Variants in EFHB observed in about 807,000 individuals in gnomAD.
EFHB encodes the protein EF-hand domain family member B.
A neutral mutation model predicts 87.2 loss-of-function variants in EFHB; 91 were observed. The observed-to-expected ratio is 1.04, with a 90% CI of 0.88 to 1.24. The LOEUF is 1.24. EFHB is among the 50% of genes most tolerant of loss of function. The pLI, the probability that EFHB is intolerant of heterozygous loss-of-function variation, is 0.00. For synonymous variants in EFHB, 325 were observed against 333.6 expected, an observed-to-expected ratio of 0.97 and a Z score of 0.28; for missense variants, 1,084 against 998.8, an observed-to-expected ratio of 1.09 and a Z score of -1.15.
chr3:19,911,873 G>T (rs146601319), intron 5 of EFHB, among the ~76,000 whole-genome samples: 1 of 152,068 alleles, frequency 6.6e-6, no homozygotes, highest in African/African-American at 2.4e-5. Flanking sequence ...TACTTTGGGA[G>T]GCCAAGGTGC....
At chr3:19,933,161 A>G in intron 1 of EFHB, 69 bp downstream of exon 1, 1 of 1,464,090 alleles carries the variant, frequency 6.8e-7, no homozygotes, top group Non-Finnish European at 9.1e-7. Context: ...AAATTTTATC[A>G]CTTTATCATC....
intron 9 of EFHB, among the ~76,000 whole-genome samples, chr3:19,892,938 C>A (rs1694352366): frequency 6.7e-6 from 1 of 150,288 alleles, no homozygotes; most frequent in Admixed American, 6.6e-5. Flanking sequence ...ACCTTTTTCC[C>A]AATCATATTC....
intron 10 of EFHB, among the ~76,000 whole-genome samples, chr3:19,887,083 T>G (rs1052109285): frequency 6.6e-6 from 1 of 152,096 alleles, no homozygotes; most frequent in Non-Finnish European, 1.5e-5. Context: ...CTTCATTCCT[T>G]AGAAATATGA....
At chr3:19,896,880 G>T (rs544813359) in intron 8 of EFHB, 39 bp from the exon 9 acceptor site, 1 of 1,507,382 alleles carries the variant, frequency 6.6e-7, no homozygotes, top group African/African-American at 1.4e-5. Flanking sequence ...TAAATTTAAA[G>T]TCTTTCTATA....
chr3:19,881,077 T>C (rs2071664534), intron 12 of EFHB, among the ~76,000 whole-genome samples: 1 of 152,216 alleles, frequency 6.6e-6, no homozygotes, highest in Non-Finnish European at 1.5e-5. Context: ...TTAAGTACTA[T>C]TCAAATACAA....
At chr3:19,912,990 A>G (rs1276885802) in intron 5 of EFHB, among the ~76,000 whole-genome samples, 1 of 152,226 alleles carries the variant, frequency 6.6e-6, no homozygotes, top group Non-Finnish European at 1.5e-5. Context: ...TCCCTTCAAC[A>G]TTAGCAGTGG....
At chr3:19,896,953 A>G (rs1314152429) in intron 8 of EFHB, 112 bp from the exon 9 acceptor site, 11 of 917,660 alleles carry the variant, frequency 1.2e-5, no homozygotes, top group African/African-American at 1.7e-5. Flanking sequence ...AGAAACATCT[A>G]ACTCTGACAT....
intron 6 of EFHB, among the ~76,000 whole-genome samples, chr3:19,902,297 T>C (rs1281759714): frequency 6.6e-6 from 1 of 152,190 alleles, no homozygotes; most frequent in African/African-American, 2.4e-5. Context: ...GGTTTGATTA[T>C]TCAAACCAAA....
intron 9 of EFHB, among the ~76,000 whole-genome samples, chr3:19,893,342 T>C (rs1694368455): frequency 6.6e-6 from 1 of 152,190 alleles, no homozygotes; most frequent in Admixed American, 6.5e-5. Flanking sequence ...TTATTCTCTT[T>C]TATGCCTGAC....
At position 19,933,361 on chromosome 3, in the gene EFHB, G is replaced by T; in HGVS notation, c.658C>A (p.Gln220Lys). 6.2e-7 allele frequency: 1 copy of T among 1,613,966 alleles called. No individual in the cohort carries two copies. The highest frequency in any genetic ancestry group is 8.5e-7 in the Non-Finnish European group (1 of 1,179,886). The change falls in exon 1 of 13, where the codon CAA (glutamine) becomes AAA (lysine). Residue 220 changes from glutamine to lysine, a missense_variant. Gln to Lys is a moderately conservative substitution (Grantham distance 53). Transcript: ENST00000295824. ...TCATGTTGTTGGGCAAACTGGCATT[G>T]GGGAGGTTCTATCACCAAGCCCATT... ...PQMGLVIEPP[Q>K]CQFAQQHEQR... is the part of the protein sequence containing the mutation.
At position 19,934,102 on chromosome 3, in the gene EFHB, T is replaced by TC; in HGVS notation, c.-85dup. On this transcript the variant is annotated 5_prime_UTR_variant, in exon 1 of 13. Coordinates refer to ENST00000295824, the MANE Select transcript of EFHB (RefSeq NM_144715.4). Reference sequence around the variant, plus strand: ...TACCTGGCTACAAAGACGCCTCCAATCCCTTGCGGAACCCCTCTCTCAGGA... The same window carrying TC: ...TACCTGGCTACAAAGACGCCTCCAATCCCCTTGCGGAACCCCTCTCTCAGGA... 6.8e-7 allele frequency: 1 copy of TC among 1,479,664 alleles called. No homozygotes were observed. Among genetic ancestry groups the TC allele is most frequent in the East Asian group, 2.5e-5 (1 of 40,498 alleles). The allele number at this position is 1,479,664 out of a possible 1,614,324, so 91.7% of individuals were successfully genotyped here.
intron 6 of EFHB, 46 bp downstream of exon 6, chr3:19,905,572 GTC>G (rs746324633): frequency 5.8e-6 from 9 of 1,565,182 alleles, no homozygotes; most frequent in Non-Finnish European, 7.8e-6. Flanking sequence ...TTTTCTTTAA[GTC>G]CAAATGTCTA....
At chr3:19,879,948 G>A in intron 12 of EFHB, 144 bp from the exon 13 acceptor site, 1 of 655,310 alleles carries the variant, frequency 1.5e-6, no homozygotes, top group Non-Finnish European at 2.4e-6. Flanking sequence ...TTGTGTGTGT[G>A]CATGTGCTTG....
At chr3:19,925,242 A>AG (rs978973957) in intron 1 of EFHB, among the ~76,000 whole-genome samples, 9 of 121,380 alleles carry the variant, frequency 7.4e-5, no homozygotes, top group African/African-American at 4.0e-4. Flanking sequence ...ACTCCTTCTC[A>AG]AAAAAAAAAA....
intron 8 of EFHB, among the ~76,000 whole-genome samples, chr3:19,897,633 A>C (rs1240138643): frequency 6.6e-6 from 1 of 152,198 alleles, no homozygotes; most frequent in Non-Finnish European, 1.5e-5. Context: ...AGGATCCAAC[A>C]GACAGCAAGA....
At chr3:19,936,213 G>T (rs1444733431), upstream of EFHB, 5 of 918,766 alleles carry the variant, frequency 5.4e-6, no homozygotes, top group Non-Finnish European at 8.6e-6. Context: ...AGCCCAGCGT[G>T]GTGGCTCACA....
rs181893936 is a variant in EFHB at position 19,931,556 on chromosome 3, C to T, written c.789+1674G>A. Among the ~76,000 whole-genome samples the T allele has an allele frequency of 2.8e-3, 423 of 152,300 alleles. 5 individuals are homozygous for T. Among genetic ancestry groups the T allele is most frequent in the African/African-American group, 9.6e-3 (400 of 41,576 alleles). Reference sequence around the variant, plus strand: ...CATTCTGAGTCTGAAGGGGAAAAGTCTTCAAACCCAGACAAAATTCTGTGG... The same window carrying T: ...CATTCTGAGTCTGAAGGGGAAAAGTTTTCAAACCCAGACAAAATTCTGTGG... On this transcript the variant is annotated intron_variant, in intron 1 of 12. Coordinates refer to ENST00000295824, the MANE Select transcript of EFHB (RefSeq NM_144715.4).
In EFHB at chr3:19,884,385, G is replaced by A; in HGVS notation, c.2146+18C>T. ...CAGTTTGTTGATGCTTTTAAAACTT[G>A]ACAAATAAGTGACATACAAGTAGAA... On this transcript the variant is annotated intron_variant, in intron 11 of 12. Coordinates refer to ENST00000295824, the MANE Select transcript of EFHB (RefSeq NM_144715.4). The A allele has an allele frequency of 1.2e-6, 2 of 1,607,390 alleles. No homozygotes were observed. The highest frequency in any genetic ancestry group is 1.7e-6 in the Non-Finnish European group (2 of 1,175,962).
chr3:19,934,364 C>G (rs915166821), upstream of EFHB: 30 of 768,986 alleles, frequency 3.9e-5, 1 homozygote, highest in African/African-American at 5.9e-4. Flanking sequence ...CTCTCTCTCC[C>G]CTCTTCTCTC....
Sources: gnomAD v4.1 joint callset for allele counts (sites outside exome capture counted in the v4.1 genomes callset) on GRCh38, gnomAD v4.1.1 for gene constraint, MANE v1.5 for transcripts, NCBI Gene and HGNC (gene_info 2026-07-23, HGNC 2026-07-21) for gene names.